The following UNC13C variants were observed in gnomAD, a reference collection of about 807,000 sequenced individuals.
UNC13C encodes unc-13 homolog C.
UNC13C carries 174 observed loss-of-function variants against 245.4 expected under a neutral mutation model. The observed-to-expected ratio is 0.71, with a 90% CI of 0.63 to 0.80. The LOEUF (loss-of-function observed/expected upper bound fraction) is 0.80. Ranked by LOEUF, UNC13C falls within the 30% of genes least tolerant of loss-of-function variation. UNC13C has a pLI of 0.00. For missense variants in UNC13C, 2,829 were observed against 2,602.9 expected, an observed-to-expected ratio of 1.09 and a Z score of -1.89; for synonymous variants, 992 against 895.1, an observed-to-expected ratio of 1.11 and a Z score of -1.93.
chr15:54,563,179 G>A (rs1897366150), intron 29 of UNC13C, among the ~76,000 whole-genome samples: 1 of 151,804 alleles, frequency 6.6e-6, no homozygotes, highest in African/African-American at 2.4e-5. Context: ...CAGACTACCG[G>A]GACCCTTCTA....
chr15:53,955,233 T>C, the UNC13C span, among the ~76,000 whole-genome samples: 1 of 151,588 alleles, frequency 6.6e-6, no homozygotes, highest in Non-Finnish European at 1.5e-5. Flanking sequence ...CCACTTCCTT[T>C]TGTACTATGA....
At chr15:53,889,558 T>G in the UNC13C span, among the ~76,000 whole-genome samples, 1 of 152,220 alleles carries the variant, frequency 6.6e-6, no homozygotes, top group African/African-American at 2.4e-5. Context: ...TTCTCTTGCC[T>G]GATTGCCCTG....
chr15:53,842,058 A>T, the UNC13C span, among the ~76,000 whole-genome samples: 1 of 152,096 alleles, frequency 6.6e-6, no homozygotes, highest in African/African-American at 2.4e-5. Flanking sequence ...AGAACATTGA[A>T]CTCTGACTTG....
At chr15:54,395,506 G>T (rs1002134702) in intron 18 of UNC13C, among the ~76,000 whole-genome samples, 1 of 151,824 alleles carries the variant, frequency 6.6e-6, no homozygotes, top group African/African-American at 2.4e-5. Flanking sequence ...ATTAATAAAC[G>T]ATCCCTGTTA....
chr15:54,142,281 A>G (rs2032058231), intron 2 of UNC13C, among the ~76,000 whole-genome samples: 1 of 152,144 alleles, frequency 6.6e-6, no homozygotes, highest in African/African-American at 2.4e-5. Context: ...ATTGCATCTG[A>G]AAACTGTAGA....
chr15:54,158,157 G>C (rs553788212), intron 4 of UNC13C, among the ~76,000 whole-genome samples: 1 of 152,328 alleles, frequency 6.6e-6, no homozygotes, highest in Non-Finnish European at 1.5e-5. Context: ...ATTGAGTTGT[G>C]AGAAGGAGCA....
In UNC13C at chr15:54,343,156, CAG is replaced by C. The variant is rs375786308; in HGVS notation, c.4713+4670_4713+4671del. Among the ~76,000 whole-genome samples, 829 of 145,622 alleles carry C rather than the reference CAG, an allele frequency of 5.7e-3. 4 individuals carry two copies. The highest frequency in any genetic ancestry group is 0.02 in the African/African-American group (790 of 38,690). On this transcript the variant is annotated intron_variant, in intron 17 of 32. Transcript: ENST00000260323. ...TGCATAACTTTTTTTTTTTTTTTGA[CAG>C]AGTTTTGCTCTGTCACCCAGACTGG...
downstream of UNC13C, chr15:54,631,084 A>G (rs1596721201): frequency 6.6e-6 from 1 of 152,138 alleles, no homozygotes; most frequent in Non-Finnish European, 1.5e-5. Context: ...GTGGCTCACA[A>G]CTGTAATCCC....
chr15:53,850,532 T>C, the UNC13C span, among the ~76,000 whole-genome samples: 1 of 152,230 alleles, frequency 6.6e-6, no homozygotes, highest in Non-Finnish European at 1.5e-5. Flanking sequence ...TCAAAATGTA[T>C]ATTTCTGATA....
At chr15:54,137,512 G>A (rs2031799288) in intron 2 of UNC13C, among the ~76,000 whole-genome samples, 1 of 152,078 alleles carries the variant, frequency 6.6e-6, no homozygotes, top group Admixed American at 6.6e-5. Flanking sequence ...CTCATTATTG[G>A]TCTGCTCAGA....
At chr15:54,548,208 CTTTTTTTTTTTTTTT>C (rs60975842) in intron 27 of UNC13C, among the ~76,000 whole-genome samples, 7 of 61,876 alleles carry the variant, frequency 1.1e-4, no homozygotes, top group East Asian at 5.3e-4. Context: ...GTTTCTTTTG[CTTTTTTTTTTTTTTT>C]TTTTTTTTTT....
intron 2 of UNC13C, chr15:54,049,151 T>C (rs1468864331): frequency 5.0e-6 from 2 of 398,044 alleles, no homozygotes; most frequent in Non-Finnish European, 1.0e-5. Flanking sequence ...GAAGAAGCTT[T>C]CCATCATCTA....
intron 13 of UNC13C, among the ~76,000 whole-genome samples, chr15:54,317,243 T>C (rs1290134151): frequency 6.6e-6 from 1 of 151,976 alleles, no homozygotes; most frequent in Non-Finnish European, 1.5e-5. Context: ...TTTCTGTGAA[T>C]AACATATGTT....
At chr15:54,196,842 TAAA>T (rs1222032034) in intron 4 of UNC13C, among the ~76,000 whole-genome samples, 2 of 152,212 alleles carry the variant, frequency 1.3e-5, no homozygotes, top group African/African-American at 4.8e-5. Flanking sequence ...ACTTATATAA[TAAA>T]AACCTAAAGG....
the UNC13C span, among the ~76,000 whole-genome samples, chr15:53,951,543 T>G: frequency 2.0e-5 from 3 of 152,196 alleles, no homozygotes; most frequent in Non-Finnish European, 2.9e-5. Context: ...CACCCTATTC[T>G]TCACAGCCTT....
chr15:54,010,413 T>C (rs1026934147), intron 1 of UNC13C, among the ~76,000 whole-genome samples: 1 of 152,148 alleles, frequency 6.6e-6, no homozygotes, highest in African/African-American at 2.4e-5. Flanking sequence ...TGAGCTGATG[T>C]TGATCCTTGG....
intron 19 of UNC13C, among the ~76,000 whole-genome samples, chr15:54,467,721 A>G (rs1486416236): frequency 6.6e-6 from 1 of 151,688 alleles, no homozygotes; most frequent in Non-Finnish European, 1.5e-5. Flanking sequence ...TCTAGGTGAG[A>G]TCATATGGCA....
intron 32 of UNC13C, among the ~76,000 whole-genome samples, chr15:54,625,633 CTTACAGGTT>C (rs1162506602): frequency 2.0e-5 from 3 of 152,126 alleles, no homozygotes; most frequent in African/African-American, 7.2e-5. Context: ...AATACACTCT[CTTACAGGTT>C]TTTTGTTCAT....
At chr15:53,998,254 G>A (rs1425209425) in intron 1 of UNC13C, among the ~76,000 whole-genome samples, 1 of 152,100 alleles carries the variant, frequency 6.6e-6, no homozygotes, top group African/African-American at 2.4e-5. Context: ...GGGGAGAACT[G>A]ATATATTAAC....
Sources: allele counts gnomAD v4.1 joint callset (sites outside exome capture counted in the v4.1 genomes callset), GRCh38; gene constraint gnomAD v4.1.1; transcripts MANE v1.5; gene names NCBI Gene and HGNC (gene_info 2026-07-23, HGNC 2026-07-21).